PECAM1: variants seen among roughly 807,000 people sequenced by gnomAD.
The protein encoded by PECAM1 is platelet and endothelial cell adhesion molecule 1.
Under a neutral mutation model 13.8 loss-of-function variants are expected in PECAM1, and 8 were observed. The observed-to-expected ratio is 0.58, with a 90% CI of 0.34 to 1.05. The LOEUF (loss-of-function observed/expected upper bound fraction) is 1.05. Ranked by LOEUF, PECAM1 falls within the 50% of genes least tolerant of loss-of-function variation. The pLI, the probability that PECAM1 is intolerant of heterozygous loss-of-function variation, is 0.03. For synonymous variants in PECAM1, 136 were observed against 52.6 expected, an observed-to-expected ratio of 2.58 and a Z score of -6.86; for missense variants, 304 against 141.2, an observed-to-expected ratio of 2.15 and a Z score of -5.84.
At chr17:64,346,154 G>C (rs2035563618) in intron 13 of PECAM1, among the ~76,000 whole-genome samples, 1 of 152,158 alleles carries the variant, frequency 6.6e-6, no homozygotes, top group South Asian at 2.1e-4. Flanking sequence ...TAGCCTCAGA[G>C]GAAGGGAGAC....
chr17:64,327,366 T>C (rs2034985967), intron 15 of PECAM1, among the ~76,000 whole-genome samples: 1 of 152,242 alleles, frequency 6.6e-6, no homozygotes, highest in Non-Finnish European at 1.5e-5. Context: ...CTTATCATCA[T>C]TGTCATCACC....
chr17:64,367,065 G>A (rs1015254482), intron 5 of PECAM1, among the ~76,000 whole-genome samples: 43 of 148,906 alleles, frequency 2.9e-4, no homozygotes, highest in African/African-American at 9.3e-4. Context: ...AGCAAATAAT[G>A]ATTCATGCAT....
chr17:64,377,098 A>G (rs1194513721), intron 3 of PECAM1, among the ~76,000 whole-genome samples: 1 of 152,210 alleles, frequency 6.6e-6, no homozygotes, highest in Non-Finnish European at 1.5e-5. Context: ...TATCGTTGTT[A>G]TCTTCCTTTT....
chr17:64,348,548 C>T lies in PECAM1; in HGVS notation c.2045-226G>A, dbSNP rs918793269. Among the ~76,000 whole-genome samples the T allele has an allele frequency of 1.4e-4, 22 of 151,836 alleles. 1 individual carries two copies. The highest frequency in any genetic ancestry group is 2.4e-4 in the Non-Finnish European group (16 of 67,994). On this transcript the variant is annotated intron_variant, in intron 12 of 15. Coordinates refer to ENST00000563924, the MANE Select transcript of PECAM1 (RefSeq NM_000442.5). ...TAAGCCTCCTGAGTAGCTGGGATTA[C>T]AGGTGTGCACCACCATGCCCAGCTA...
intron 14 of PECAM1, among the ~76,000 whole-genome samples, chr17:64,339,583 A>C (rs886132807): frequency 5.3e-5 from 8 of 151,974 alleles, no homozygotes; most frequent in Admixed American, 2.6e-4. Flanking sequence ...TACCTCACTT[A>C]TAACTTTCCC....
intron 13 of PECAM1, among the ~76,000 whole-genome samples, chr17:64,343,326 A>G (rs1354974677): frequency 6.6e-6 from 1 of 151,546 alleles, no homozygotes; most frequent in African/African-American, 2.4e-5. Flanking sequence ...CCATTTCCCC[A>G]CGACCCTGGT....
chr17:64,357,121 C>T (rs2035863540), intron 7 of PECAM1, among the ~76,000 whole-genome samples: 1 of 152,164 alleles, frequency 6.6e-6, no homozygotes, highest in Non-Finnish European at 1.5e-5. Context: ...GGCTTCTGGG[C>T]TTCCTCATGA....
At chr17:64,352,743 C>T (rs1443631449) in intron 10 of PECAM1, among the ~76,000 whole-genome samples, 1 of 152,020 alleles carries the variant, frequency 6.6e-6, no homozygotes, top group Non-Finnish European at 1.5e-5. Flanking sequence ...CAGCCTCCGC[C>T]TCCTGGGTTC....
chr17:64,363,183 G>T lies in PECAM1; in HGVS notation c.1182C>A (p.Val394=). 1 of 475,286 alleles carries T rather than the reference G, an allele frequency of 2.1e-6. No homozygotes were observed. Among genetic ancestry groups the T allele is most frequent in the South Asian group, 6.7e-5 (1 of 14,846 alleles). 29.4% of individuals were successfully genotyped at this position (475,286 alleles called of 1,614,324 possible). Residue 394 remains valine (V), a synonymous_variant, in exon 6 of 16, where the codon GTC becomes GTA. Coordinates refer to ENST00000563924, the MANE Select transcript of PECAM1 (RefSeq NM_000442.5). ...YICTAGIDKV[V]KKSNTVQIVV... ...CTATCTGGACTGTGTTGCTTTTCTT[G>T]ACCACTTTGTCAATACCTGCAGTGC...
intron 13 of PECAM1, among the ~76,000 whole-genome samples, chr17:64,346,594 C>A (rs1405376959): frequency 3.3e-5 from 5 of 152,168 alleles, no homozygotes; most frequent in Admixed American, 2.6e-4. Flanking sequence ...CCTTGGCCTC[C>A]CAAAGTACTA....
chr17:64,331,259 C>A (rs1555646655), intron 14 of PECAM1, among the ~76,000 whole-genome samples: 1 of 151,394 alleles, frequency 6.6e-6, no homozygotes, highest in South Asian at 2.1e-4. Flanking sequence ...TGCAGTGGCT[C>A]ACTGCAACCT....
At chr17:64,383,107 C>T (rs2036518777) in intron 2 of PECAM1, among the ~76,000 whole-genome samples, 1 of 152,170 alleles carries the variant, frequency 6.6e-6, no homozygotes, top group South Asian at 2.1e-4. Context: ...CTTCTCCAGC[C>T]TCCCAGTTTT....
At chr17:64,335,200 G>A (rs1486773207) in intron 14 of PECAM1, among the ~76,000 whole-genome samples, 2 of 152,160 alleles carry the variant, frequency 1.3e-5, no homozygotes, top group African/African-American at 2.4e-5. Flanking sequence ...TCACAGAGAA[G>A]GTGACCAAGG....
At chr17:64,331,170 C>G (rs2035103256) in intron 14 of PECAM1, among the ~76,000 whole-genome samples, 1 of 151,150 alleles carries the variant, frequency 6.6e-6, no homozygotes, top group South Asian at 2.1e-4. Context: ...GGAGTCTCCT[C>G]TCAACTGTGT....
At chr17:64,354,362 C>T (rs1474078553) in intron 9 of PECAM1, among the ~76,000 whole-genome samples, 1 of 152,146 alleles carries the variant, frequency 6.6e-6, no homozygotes, top group African/African-American at 2.4e-5. Context: ...TGGGTGGCAG[C>T]TTTCCTGACA....
chr17:64,368,766 T>C (rs1045244565), intron 5 of PECAM1, among the ~76,000 whole-genome samples: 27 of 150,756 alleles, frequency 1.8e-4, no homozygotes, highest in African/African-American at 6.3e-4. Flanking sequence ...GGCAGGAGAA[T>C]TACTTGAACC....
intron 13 of PECAM1, among the ~76,000 whole-genome samples, chr17:64,344,136 G>T: frequency 6.6e-6 from 1 of 152,154 alleles, no homozygotes; most frequent in South Asian, 2.1e-4. Context: ...CACAGTGGGG[G>T]CTGGGGCAGG....
intron 2 of PECAM1, among the ~76,000 whole-genome samples, chr17:64,386,069 A>T (rs888920414): frequency 7.9e-5 from 12 of 152,106 alleles, no homozygotes; most frequent in Non-Finnish European, 1.5e-4. Flanking sequence ...TGCAGTGGGG[A>T]TGAGGGAAGG....
intron 2 of PECAM1, among the ~76,000 whole-genome samples, chr17:64,383,772 C>G (rs958999514): frequency 2.6e-5 from 4 of 152,192 alleles, no homozygotes; most frequent in African/African-American, 9.7e-5. Context: ...GGATGGTACC[C>G]ACTAGCATGG....
Sources: allele counts gnomAD v4.1 joint callset (sites outside exome capture counted in the v4.1 genomes callset), GRCh38; gene constraint gnomAD v4.1.1; transcripts MANE v1.5; gene names NCBI Gene and HGNC (gene_info 2026-07-23, HGNC 2026-07-21).